The following DCC variants were observed in gnomAD, a reference collection of about 807,000 sequenced individuals.
The protein encoded by DCC is DCC netrin 1 receptor.
In DCC, 58 loss-of-function variants were observed where a neutral mutation model predicts 172.5. The ratio of observed to expected loss-of-function variants is 0.34; its 90% CI spans 0.27 to 0.42. DCC has a LOEUF of 0.42. DCC is among the 10% of genes least tolerant of loss of function. DCC has a pLI of 1.00. For missense variants in DCC, 1,740 were observed against 1,791.0 expected (o/e 0.97, Z 0.51); for synonymous variants, 709 against 644.5 (o/e 1.10, Z -1.52).
At chr18:53,303,592 A>G (rs902276369) in intron 12 of DCC, among the ~76,000 whole-genome samples, 2 of 152,162 alleles carry the variant, frequency 1.3e-5, no homozygotes, top group African/African-American at 4.8e-5. Context: ...CTTGCAGGAT[A>G]TGTGACACCG....
intron 1 of DCC, among the ~76,000 whole-genome samples, chr18:52,678,828 T>C (rs1455441518): frequency 6.6e-6 from 1 of 152,122 alleles, no homozygotes; most frequent in Admixed American, 6.6e-5. Flanking sequence ...CACACTCTGT[T>C]CCTTTCCTCT....
chr18:52,515,606 C>CAAAAAAAAAAAA (rs58112743), intron 1 of DCC, among the ~76,000 whole-genome samples: 459 of 10,300 alleles, frequency 0.045, 130 homozygotes, highest in Non-Finnish European at 0.083. Flanking sequence ...AACCCTGTCT[C>CAAAAAAAAAAAA]AAAAAAAAAA....
At chr18:53,089,352 C>T (rs1272931380) in intron 7 of DCC, among the ~76,000 whole-genome samples, 1 of 152,144 alleles carries the variant, frequency 6.6e-6, no homozygotes, top group Non-Finnish European at 1.5e-5. Context: ...TCCCAAAATG[C>T]TGGGATTACA....
chr18:52,429,787 GT>G (rs1987560003), intron 1 of DCC, among the ~76,000 whole-genome samples: 1 of 152,060 alleles, frequency 6.6e-6, no homozygotes. Context: ...ACCAGTAACA[GT>G]CATAGATATG....
intron 1 of DCC, among the ~76,000 whole-genome samples, chr18:52,425,533 T>A (rs181044448): frequency 6.6e-6 from 1 of 152,294 alleles, no homozygotes; most frequent in Admixed American, 6.5e-5. Context: ...TACACATGCA[T>A]TTATACACTG....
chr18:52,618,693 A>T (rs1018391942), intron 1 of DCC, among the ~76,000 whole-genome samples: 12 of 152,184 alleles, frequency 7.9e-5, no homozygotes, highest in African/African-American at 2.9e-4. Context: ...CTCAAAAATG[A>T]CACAATTCTT....
intron 5 of DCC, among the ~76,000 whole-genome samples, chr18:53,045,428 GAGA>G (rs926800517): frequency 3.0e-4 from 45 of 151,860 alleles, no homozygotes; most frequent in African/African-American, 5.5e-4. Context: ...TTAGTCACAG[GAGA>G]AGATGTTTAG....
intron 25 of DCC, among the ~76,000 whole-genome samples, chr18:53,474,240 A>T (rs2045734194): frequency 6.6e-6 from 1 of 152,226 alleles, no homozygotes; most frequent in African/African-American, 2.4e-5. Flanking sequence ...CAATAGATGA[A>T]TATAGTATAT....
At chr18:53,487,104 C>A in intron 26 of DCC, 146 bp downstream of exon 26, 1 of 1,104,014 alleles carries the variant, frequency 9.1e-7, no homozygotes. Flanking sequence ...CAACACAGTG[C>A]TTTGGATCCT....
chr18:52,710,445 A>G (rs1299642803), intron 1 of DCC, among the ~76,000 whole-genome samples: 3 of 152,156 alleles, frequency 2.0e-5, no homozygotes, highest in Admixed American at 2.0e-4. Flanking sequence ...AAAAAACAGA[A>G]TGTGCAGTGT....
intron 15 of DCC, among the ~76,000 whole-genome samples, chr18:53,379,301 T>G (rs1324397716): frequency 6.6e-6 from 1 of 152,248 alleles, no homozygotes; most frequent in Non-Finnish European, 1.5e-5. Context: ...GACAAGAACT[T>G]GGCATGGATG....
intron 15 of DCC, among the ~76,000 whole-genome samples, chr18:53,350,445 T>C (rs2057777989): frequency 1.3e-5 from 2 of 152,162 alleles, no homozygotes; most frequent in South Asian, 4.1e-4. Context: ...ATCCTTTCAG[T>C]GATGCTTACT....
At chr18:52,680,896 A>G (rs2035738714) in intron 1 of DCC, among the ~76,000 whole-genome samples, 1 of 152,106 alleles carries the variant, frequency 6.6e-6, no homozygotes, top group South Asian at 2.1e-4. Flanking sequence ...GAACACTTTT[A>G]GATGAATGAT....
chr18:52,487,249 T>C (rs544136516), intron 1 of DCC, among the ~76,000 whole-genome samples: 11 of 152,082 alleles, frequency 7.2e-5, no homozygotes, highest in African/African-American at 2.4e-4. Flanking sequence ...CTAAGAAATA[T>C]AAAGGGCACC....
chr18:53,468,379 AT>A (rs1344416765), intron 25 of DCC, among the ~76,000 whole-genome samples: 15 of 68,850 alleles, frequency 2.2e-4, no homozygotes, highest in African/African-American at 4.9e-4. Context: ...TTATTTATTT[AT>A]TTTATTTATT....
intron 9 of DCC, among the ~76,000 whole-genome samples, chr18:53,200,463 A>G (rs750044856): frequency 6.6e-6 from 1 of 152,186 alleles, no homozygotes; most frequent in Non-Finnish European, 1.5e-5. Flanking sequence ...AGTCCCTTCT[A>G]TGTAGCAACA....
chr18:53,049,646 A>C (rs956559412), intron 5 of DCC, among the ~76,000 whole-genome samples: 6 of 152,130 alleles, frequency 3.9e-5, no homozygotes, highest in African/African-American at 1.4e-4. Flanking sequence ...CTTTCTGCTT[A>C]GGATTACCTT....
In DCC at chr18:53,318,752, G is replaced by GGTT. The variant is rs1555651814; in HGVS notation, c.2054-3295_2054-3294insGTT. On this transcript the variant is annotated intron_variant, in intron 13 of 28. Transcript: ENST00000442544. ...ATTATATAATGCCCTTCTTCGTTGG[G>GGTT]TTTTTTTTTTTTTTTTTTTGTGATC... Among the ~76,000 whole-genome samples, 227 of 131,960 alleles carry GGTT rather than the reference G, an allele frequency of 1.7e-3. 1 individual carries two copies. Among genetic ancestry groups the GGTT allele is most frequent in the East Asian group, 6.3e-3 (27 of 4,294 alleles). 86.6% of individuals were successfully genotyped at this position (131,960 alleles called of 152,430 possible).
chr18:53,000,690 C>A (rs2041551828), intron 5 of DCC, among the ~76,000 whole-genome samples: 1 of 148,074 alleles, frequency 6.8e-6, no homozygotes, highest in Non-Finnish European at 1.5e-5. Context: ...TGTGTCACAG[C>A]CAGACAAAAG....
Sources: gnomAD v4.1 joint callset for allele counts (sites outside exome capture counted in the v4.1 genomes callset) on GRCh38, gnomAD v4.1.1 for gene constraint, MANE v1.5 for transcripts, NCBI Gene and HGNC (gene_info 2026-07-23, HGNC 2026-07-21) for gene names.